DPYS: variants seen among roughly 807,000 people sequenced by gnomAD.
The protein encoded by DPYS is dihydropyrimidinase.
Under a neutral mutation model 50.3 loss-of-function variants are expected in DPYS, and 39 were observed. The observed-to-expected ratio is 0.78, with a 90% CI of 0.60 to 1.01. DPYS has a LOEUF of 1.01. Ranked by LOEUF, DPYS falls within the 50% of genes least tolerant of loss-of-function variation. DPYS has a pLI of 0.00. For missense variants in DPYS, 659 were observed against 680.9 expected (o/e 0.97, Z 0.36); for synonymous variants, 245 against 250.7 (o/e 0.98, Z 0.22).
intron 7 of DPYS, among the ~76,000 whole-genome samples, chr8:104,405,712 G>A (rs1348704084): frequency 6.6e-6 from 1 of 152,230 alleles, no homozygotes; most frequent in African/African-American, 2.4e-5. Context: ...ACCTCTGTCT[G>A]CCTGGAGCAG....
chr8:104,459,737 A>G (rs138826166), intron 1 of DPYS, among the ~76,000 whole-genome samples: 1 of 152,286 alleles, frequency 6.6e-6, no homozygotes, highest in African/African-American at 2.4e-5. Context: ...CCTCTCTAGG[A>G]GTTTCACAAC....
intron 7 of DPYS, among the ~76,000 whole-genome samples, chr8:104,407,667 C>T (rs984977188): frequency 3.9e-5 from 6 of 152,090 alleles, no homozygotes; most frequent in East Asian, 3.8e-4. Flanking sequence ...AAGAAAACAA[C>T]GTTTGCCATA....
intron 7 of DPYS, among the ~76,000 whole-genome samples, chr8:104,395,526 C>T (rs113069111): frequency 0.015 from 2,278 of 152,264 alleles, 18 homozygotes; most frequent in Non-Finnish European, 0.024. Flanking sequence ...CTATAGTTTT[C>T]TCTTTTCAAG....
chr8:104,382,545 T>G (rs1410701443), intron 8 of DPYS, among the ~76,000 whole-genome samples: 7 of 151,122 alleles, frequency 4.6e-5, no homozygotes, highest in African/African-American at 1.5e-4. Context: ...CCTGTTTTTT[T>G]TTTTTTTTTT....
At chr8:104,410,566 C>T (rs1249971791) in intron 7 of DPYS, among the ~76,000 whole-genome samples, 1 of 152,070 alleles carries the variant, frequency 6.6e-6, no homozygotes, top group Admixed American at 6.6e-5. Context: ...TTTGCTACAT[C>T]CTCCTCCCCA....
At position 104,379,831 on chromosome 8, in the gene DPYS, C is replaced by T. The variant is rs921812960; in HGVS notation, c.*27G>A. On this transcript the variant is annotated 3_prime_UTR_variant, in exon 10 of 10. Coordinates refer to ENST00000351513, the MANE Select transcript of DPYS (RefSeq NM_001385.3). ...GAAGGGAATGGCAGCCTCCTTTCCT[C>T]TGATTTTTTTACCTTTGAAGAGAAT... 2.2e-6 allele frequency: 1 copy of T among 456,282 alleles called. No individual in the cohort carries two copies. The highest frequency in any genetic ancestry group is 2.0e-5 in the African/African-American group (1 of 50,046). 28.3% of individuals were successfully genotyped at this position (456,282 alleles called of 1,614,324 possible).
At chr8:104,465,622 T>C (rs530269522) in intron 1 of DPYS, among the ~76,000 whole-genome samples, 27 of 152,246 alleles carry the variant, frequency 1.8e-4, no homozygotes, top group African/African-American at 6.5e-4. Flanking sequence ...GTCCAATCTT[T>C]GGCTTCTCTT....
At chr8:104,414,500 T>TA (rs374548162) in intron 7 of DPYS, among the ~76,000 whole-genome samples, 30 of 149,650 alleles carry the variant, frequency 2.0e-4, no homozygotes, top group African/African-American at 5.1e-4. Flanking sequence ...CCTCTGCTCT[T>TA]AAAAAAAAAA....
intron 2 of DPYS, among the ~76,000 whole-genome samples, chr8:104,450,086 T>C (rs185875732): frequency 2.2e-5 from 3 of 134,780 alleles, no homozygotes; most frequent in Non-Finnish European, 3.0e-5. Context: ...TCTTATAAAA[T>C]AGGAGAATAG....
rs142574986 is a variant in DPYS at position 104,466,400 on chromosome 8, C to T, written c.264+257G>A. ...GATGGCCTTAAACTCGTCAAATTAA[C>T]CACTAAAGGAGGAGTCGAGGGCATC... is the stretch of plus-strand genomic sequence containing the variant. On this transcript the variant is annotated intron_variant, in intron 1 of 9. Coordinates refer to ENST00000351513, the MANE Select transcript of DPYS (RefSeq NM_001385.3). 2.0e-5 allele frequency among the ~76,000 whole-genome samples: 3 copies of T among 152,284 alleles called. No homozygotes were observed. The East Asian group carries it at 5.8e-4, about 30-fold the overall frequency.
intron 8 of DPYS, among the ~76,000 whole-genome samples, chr8:104,391,864 C>T (rs1811399040): frequency 6.6e-6 from 1 of 152,140 alleles, no homozygotes; most frequent in African/African-American, 2.4e-5. Flanking sequence ...CCCACCTCTG[C>T]CTCTCAAAGG....
chr8:104,427,629 G>A (rs551821751), intron 6 of DPYS, among the ~76,000 whole-genome samples: 10 of 151,930 alleles, frequency 6.6e-5, no homozygotes, highest in South Asian at 4.2e-4. Context: ...GACACATGAC[G>A]CACTGGAATT....
At chr8:104,408,527 G>T (rs1358487201) in intron 7 of DPYS, among the ~76,000 whole-genome samples, 1 of 152,176 alleles carries the variant, frequency 6.6e-6, no homozygotes, top group African/African-American at 2.4e-5. Context: ...ATAAAAGGAA[G>T]AGCAAGAGAT....
At chr8:104,451,484 T>C in intron 1 of DPYS, 80 bp from the exon 2 acceptor site, 1 of 1,584,388 alleles carries the variant, frequency 6.3e-7, no homozygotes, top group South Asian at 1.1e-5. Flanking sequence ...AATGTGCATT[T>C]GTAAGCACTT....
At chr8:104,416,121 G>C (rs1308394940) in intron 7 of DPYS, among the ~76,000 whole-genome samples, 1 of 152,124 alleles carries the variant, frequency 6.6e-6, no homozygotes, top group African/African-American at 2.4e-5. Context: ...GTCACACCCA[G>C]CTCATAAGTG....
chr8:104,393,903 T>C (rs141339860), intron 7 of DPYS, among the ~76,000 whole-genome samples: 1 of 152,186 alleles, frequency 6.6e-6, no homozygotes, highest in Admixed American at 6.5e-5. Flanking sequence ...GGTGCACCCA[T>C]CACCCAAACA....
intron 1 of DPYS, among the ~76,000 whole-genome samples, chr8:104,465,714 G>A (rs899447814): frequency 6.6e-6 from 1 of 152,176 alleles, no homozygotes; most frequent in Non-Finnish European, 1.5e-5. Context: ...TTTTAAGAAA[G>A]TTTATGAATT....
At chr8:104,459,674 C>A (rs1470977589) in intron 1 of DPYS, among the ~76,000 whole-genome samples, 1 of 151,972 alleles carries the variant, frequency 6.6e-6, no homozygotes, top group Non-Finnish European at 1.5e-5. Flanking sequence ...TCCTTAAGTC[C>A]CAAATCTGCT....
intron 8 of DPYS, among the ~76,000 whole-genome samples, chr8:104,386,216 G>T (rs1043702585): frequency 6.6e-6 from 1 of 152,158 alleles, no homozygotes; most frequent in Non-Finnish European, 1.5e-5. Flanking sequence ...AAGGAAAAAG[G>T]AAGACATAAG....
Sources: gnomAD v4.1 joint callset for allele counts (sites outside exome capture counted in the v4.1 genomes callset) on GRCh38, gnomAD v4.1.1 for gene constraint, MANE v1.5 for transcripts, NCBI Gene and HGNC (gene_info 2026-07-23, HGNC 2026-07-21) for gene names.